Variants in SLC67A2 observed in about 807,000 individuals in gnomAD.
The protein encoded by SLC67A2 is solute carrier family 67 member A2.
the SLC67A2 span, among the ~76,000 whole-genome samples, chr2:102,732,667 C>A: frequency 6.6e-6 from 1 of 152,144 alleles, no homozygotes; most frequent in Non-Finnish European, 1.5e-5. Context: ...AGACAAAAAA[C>A]CCCATATTTT....
At chr2:102,718,543 C>T in the SLC67A2 span, 9 of 1,610,790 alleles carry the variant, frequency 5.6e-6, no homozygotes, top group Non-Finnish European at 6.8e-6. Context: ...GGCTGACCTC[C>T]TGGGCAACCC....
the SLC67A2 span, chr2:102,723,700 C>T: frequency 1.9e-6 from 3 of 1,613,660 alleles, no homozygotes; most frequent in South Asian, 3.3e-5. Context: ...GTCAACTTAC[C>T]AGCATTGAGA....
At chr2:102,736,773 G>A in the SLC67A2 span, 2 of 1,613,548 alleles carry the variant, frequency 1.2e-6, no homozygotes, top group South Asian at 1.1e-5. Context: ...GACCAGCCTC[G>A]GGGCCGAGTT....
chr2:102,731,344 G>C, the SLC67A2 span, among the ~76,000 whole-genome samples: 2 of 152,102 alleles, frequency 1.3e-5, no homozygotes, highest in Non-Finnish European at 2.9e-5. Flanking sequence ...TATGGACGCT[G>C]TATGATTGTC....
the SLC67A2 span, chr2:102,732,231 T>C: frequency 9.1e-7 from 1 of 1,097,838 alleles, no homozygotes; most frequent in Non-Finnish European, 1.4e-6. Flanking sequence ...CTTTGGATAA[T>C]ATTTGGATAC....
chr2:102,717,719 C>T, the SLC67A2 span: 7 of 152,416 alleles, frequency 4.6e-5, 1 homozygote, highest in Admixed American at 2.0e-4. Flanking sequence ...AACAGCCAAG[C>T]CTATGTACTT....
the SLC67A2 span, among the ~76,000 whole-genome samples, chr2:102,727,250 A>G: frequency 6.6e-6 from 1 of 152,226 alleles, no homozygotes; most frequent in Non-Finnish European, 1.5e-5. Flanking sequence ...GAGAGATGAT[A>G]AAGTATAATT....
At chr2:102,723,620 AT>A in the SLC67A2 span, 3 of 1,376,078 alleles carry the variant, frequency 2.2e-6, no homozygotes, top group South Asian at 3.6e-5. Flanking sequence ...ATAAAAACGA[AT>A]TGCAAAGAAA....
chr2:102,721,628 C>T, the SLC67A2 span, among the ~76,000 whole-genome samples: 3 of 152,022 alleles, frequency 2.0e-5, no homozygotes, highest in African/African-American at 7.2e-5. Flanking sequence ...TTTTAAGCAA[C>T]CAGCCCTGCA....
the SLC67A2 span, among the ~76,000 whole-genome samples, chr2:102,735,700 T>C: frequency 6.6e-6 from 1 of 152,226 alleles, no homozygotes; most frequent in Non-Finnish European, 1.5e-5. Context: ...TGAATTCTTC[T>C]GTGGCAGAAC....
chr2:102,718,234 G>T, the SLC67A2 span: 3 of 652,154 alleles, frequency 4.6e-6, no homozygotes, highest in East Asian at 5.5e-5. Context: ...ATGAGGTGCC[G>T]TGACTTCTGA....
chr2:102,736,513 G>A, the SLC67A2 span: 2 of 1,579,586 alleles, frequency 1.3e-6, no homozygotes, highest in Admixed American at 3.7e-5. Context: ...GAGCTTGATA[G>A]GTAGTGAGGC....
At chr2:102,718,730 G>A in the SLC67A2 span, 2 of 1,613,894 alleles carry the variant, frequency 1.2e-6, no homozygotes, top group Non-Finnish European at 1.7e-6. Flanking sequence ...ACCCATGGTG[G>A]GGGCCAAGGA....
chr2:102,723,958 T>C, the SLC67A2 span: 1 of 1,462,328 alleles, frequency 6.8e-7, no homozygotes, highest in South Asian at 1.1e-5. Flanking sequence ...AGACCATAAG[T>C]ATCTTACTTA....
At chr2:102,726,850 G>A in the SLC67A2 span, 41 of 1,562,526 alleles carry the variant, frequency 2.6e-5, no homozygotes, top group Admixed American at 1.8e-4. Context: ...CTCACCTGCC[G>A]GGACTCTAGC....
At chr2:102,719,700 C>T in the SLC67A2 span, among the ~76,000 whole-genome samples, 7 of 152,270 alleles carry the variant, frequency 4.6e-5, no homozygotes, top group East Asian at 1.9e-4. Flanking sequence ...GTACTCAAGA[C>T]GCTAAAACCT....
chr2:102,735,523 T>C, the SLC67A2 span, among the ~76,000 whole-genome samples: 1 of 152,126 alleles, frequency 6.6e-6, no homozygotes, highest in Non-Finnish European at 1.5e-5. Flanking sequence ...AAAGGCAGCC[T>C]TCTCCCATTG....
the SLC67A2 span, among the ~76,000 whole-genome samples, chr2:102,724,568 C>G: frequency 6.6e-6 from 1 of 152,206 alleles, no homozygotes; most frequent in Non-Finnish European, 1.5e-5. Flanking sequence ...TCCTATGTCC[C>G]TAGACCCCCC....
the SLC67A2 span, chr2:102,731,120 T>C: frequency 2.7e-6 from 4 of 1,478,592 alleles, no homozygotes; most frequent in African/African-American, 1.4e-5. Context: ...ATCACAAAAA[T>C]GGATTAATGT....
Sources: allele counts gnomAD v4.1 joint callset (sites outside exome capture counted in the v4.1 genomes callset), GRCh38; gene constraint gnomAD v4.1.1; transcripts MANE v1.5; gene names NCBI Gene and HGNC (gene_info 2026-07-23, HGNC 2026-07-21).